Variants in FHIT observed in about 807,000 individuals in gnomAD.
The protein encoded by FHIT is fragile histidine triad diadenosine triphosphatase.
Under a neutral mutation model 17.9 loss-of-function variants are expected in FHIT, and 19 were observed. The observed-to-expected ratio is 1.06, with a 90% CI of 0.74 to 1.56. The LOEUF is 1.56. FHIT is among the 40% of genes most tolerant of loss of function. The pLI is 0.00. For missense variants in FHIT, 248 were observed against 189.2 expected (o/e 1.31, Z -1.82); for synonymous variants, 81 against 69.7 (o/e 1.16, Z -0.81).
intron 7 of FHIT, among the ~76,000 whole-genome samples, chr3:59,964,385 A>G (rs968298665): frequency 6.6e-6 from 1 of 152,084 alleles, no homozygotes; most frequent in South Asian, 2.1e-4. Flanking sequence ...TCATCTATTA[A>G]TCCAGAACTT....
At chr3:60,071,189 A>G (rs1418183220) in intron 5 of FHIT, among the ~76,000 whole-genome samples, 2 of 152,138 alleles carry the variant, frequency 1.3e-5, no homozygotes, top group South Asian at 2.1e-4. Flanking sequence ...GGCTAGCCCA[A>G]ACTGAGATGT....
chr3:60,315,153 G>T (rs932094260), intron 5 of FHIT, among the ~76,000 whole-genome samples: 1 of 152,078 alleles, frequency 6.6e-6, no homozygotes, highest in Non-Finnish European at 1.5e-5. Context: ...CCCAGCTGAG[G>T]CTCCAGACAT....
At chr3:60,633,711 A>G (rs2039506169) in intron 4 of FHIT, among the ~76,000 whole-genome samples, 1 of 152,188 alleles carries the variant, frequency 6.6e-6, no homozygotes, top group South Asian at 2.1e-4. Context: ...CTGACCCTCA[A>G]CAAACCTTCA....
At chr3:60,558,598 TC>T (rs1280061620) in intron 4 of FHIT, among the ~76,000 whole-genome samples, 8 of 151,944 alleles carry the variant, frequency 5.3e-5, no homozygotes, top group African/African-American at 1.9e-4. Flanking sequence ...AAATGCACAT[TC>T]CCAGGAGCTC....
chr3:59,953,939 A>G (rs1707258866), intron 7 of FHIT, among the ~76,000 whole-genome samples: 1 of 152,200 alleles, frequency 6.6e-6, no homozygotes, highest in African/African-American at 2.4e-5. Flanking sequence ...TTCTGCTTTC[A>G]AGGCCAAACT....
At chr3:60,149,747 A>G (rs1358859145) in intron 5 of FHIT, among the ~76,000 whole-genome samples, 1 of 151,964 alleles carries the variant, frequency 6.6e-6, no homozygotes, top group Non-Finnish European at 1.5e-5. Context: ...CCTCAGGCCA[A>G]GCTAAGAGGC....
At chr3:59,827,803 G>T (rs930784308) in intron 8 of FHIT, among the ~76,000 whole-genome samples, 1 of 152,198 alleles carries the variant, frequency 6.6e-6, no homozygotes, top group Non-Finnish European at 1.5e-5. Flanking sequence ...ACAAACACAA[G>T]AAGATCTACA....
intron 4 of FHIT, among the ~76,000 whole-genome samples, chr3:60,588,951 A>G (rs1382598233): frequency 1.3e-5 from 2 of 152,044 alleles, no homozygotes; most frequent in African/African-American, 4.8e-5. Flanking sequence ...AAATATGATG[A>G]TGACACATAT....
At chr3:59,853,950 C>A (rs937099830) in intron 8 of FHIT, among the ~76,000 whole-genome samples, 4 of 152,070 alleles carry the variant, frequency 2.6e-5, no homozygotes, top group African/African-American at 7.2e-5. Context: ...CAATTAGAAT[C>A]CCACCAATAG....
At chr3:60,881,714 G>A (rs1704990068) in intron 3 of FHIT, among the ~76,000 whole-genome samples, 1 of 151,916 alleles carries the variant, frequency 6.6e-6, no homozygotes, top group Admixed American at 6.6e-5. Flanking sequence ...AAAAATTTAT[G>A]AAAATGGAAG....
At chr3:60,854,101 G>C (rs1490375582) in intron 3 of FHIT, among the ~76,000 whole-genome samples, 2 of 152,112 alleles carry the variant, frequency 1.3e-5, no homozygotes, top group Non-Finnish European at 2.9e-5. Flanking sequence ...TAAACTTCTT[G>C]GGTTGTGGTT....
intron 4 of FHIT, among the ~76,000 whole-genome samples, chr3:60,806,416 G>T (rs954284899): frequency 4.3e-4 from 66 of 152,160 alleles, no homozygotes; most frequent in African/African-American, 1.4e-3. Flanking sequence ...GCTTTATGTA[G>T]CCCTGAAACT....
chr3:60,941,684 A>C (rs1464952716), intron 3 of FHIT, among the ~76,000 whole-genome samples: 2 of 152,220 alleles, frequency 1.3e-5, no homozygotes, highest in Admixed American at 1.3e-4. Context: ...GCTCATACAA[A>C]TCCTGACCAT....
intron 5 of FHIT, among the ~76,000 whole-genome samples, chr3:60,242,391 C>T (rs1304452352): frequency 6.6e-6 from 1 of 152,028 alleles, no homozygotes; most frequent in Non-Finnish European, 1.5e-5. Flanking sequence ...TTAACATGTT[C>T]ACAAAACCCA....
intron 5 of FHIT, among the ~76,000 whole-genome samples, chr3:60,139,827 A>T (rs1338818944): frequency 6.8e-6 from 1 of 146,380 alleles, no homozygotes; most frequent in Admixed American, 6.7e-5. Flanking sequence ...TATTAAAAAA[A>T]AAAAATGGTT....
At chr3:61,235,445 T>G (rs1037657501) in intron 1 of FHIT, among the ~76,000 whole-genome samples, 1 of 151,796 alleles carries the variant, frequency 6.6e-6, no homozygotes, top group Admixed American at 6.6e-5. Context: ...AAAAGTAAGG[T>G]CTCTTTTAAC....
At chr3:60,173,911 A>ATTTTTTTTTT (rs1559698600) in intron 5 of FHIT, among the ~76,000 whole-genome samples, 1 of 69,644 alleles carries the variant, frequency 1.4e-5, no homozygotes, top group African/African-American at 6.0e-5. Flanking sequence ...ATATATATAT[A>ATTTTTTTTTT]TATATGTTTT....
chr3:60,350,036 G>C (rs1361197910), intron 5 of FHIT, among the ~76,000 whole-genome samples: 5 of 152,182 alleles, frequency 3.3e-5, no homozygotes, highest in Non-Finnish European at 5.9e-5. Flanking sequence ...TATTGGTGTA[G>C]GAGCCACTCA....
intron 3 of FHIT, among the ~76,000 whole-genome samples, chr3:60,831,345 A>G (rs565514585): frequency 3.9e-5 from 6 of 152,328 alleles, no homozygotes; most frequent in African/African-American, 1.4e-4. Flanking sequence ...AGAACTTCTT[A>G]TAATGCAAGA....
Sources: gnomAD v4.1 joint callset for allele counts (sites outside exome capture counted in the v4.1 genomes callset) on GRCh38, gnomAD v4.1.1 for gene constraint, MANE v1.5 for transcripts, NCBI Gene and HGNC (gene_info 2026-07-23, HGNC 2026-07-21) for gene names.